The following EPB41L1 variants were observed in gnomAD, a reference collection of about 807,000 sequenced individuals.
EPB41L1 encodes erythrocyte membrane protein band 4.1 like 1.
In EPB41L1, 29 loss-of-function variants were observed where a neutral mutation model predicts 97.8. The ratio of observed to expected loss-of-function variants is 0.30; its 90% CI spans 0.22 to 0.40. The LOEUF (loss-of-function observed/expected upper bound fraction) is 0.40, where lower values mean the gene tolerates loss of function less well. Among genes scored for constraint, EPB41L1 ranks in the 10% least tolerant of loss-of-function variants. The pLI, the probability that EPB41L1 is intolerant of heterozygous loss-of-function variation, is 1.00. For synonymous variants in EPB41L1, 383 were observed against 459.2 expected (o/e 0.83, Z 2.12); for missense variants, 812 against 1,162.3 (o/e 0.70, Z 4.38).
intron 6 of EPB41L1, among the ~76,000 whole-genome samples, chr20:36,184,842 A>G (rs2061617110): frequency 6.6e-6 from 1 of 152,244 alleles, no homozygotes; most frequent in Non-Finnish European, 1.5e-5. Context: ...AAGTAGTCCT[A>G]TTTAGCTTGA....
chr20:36,177,799 G>C (rs1338816345), intron 3 of EPB41L1, among the ~76,000 whole-genome samples, 153 bp from the exon 4 acceptor site: 2 of 152,184 alleles, frequency 1.3e-5, no homozygotes, highest in Non-Finnish European at 2.9e-5. Context: ...GACTCAGAGG[G>C]CAGAGCCAAG....
At chr20:36,197,591 A>G in intron 13 of EPB41L1, 1 of 980,406 alleles carries the variant, frequency 1.0e-6, no homozygotes, top group Non-Finnish European at 1.2e-6. Flanking sequence ...GAGGCTGTAG[A>G]GCCAGGCAAG....
At chr20:36,176,728 T>G (rs1453729363) in intron 3 of EPB41L1, among the ~76,000 whole-genome samples, 1 of 150,442 alleles carries the variant, frequency 6.6e-6, no homozygotes, top group Admixed American at 6.7e-5. Context: ...ATCTCCCAGG[T>G]TCAAGCAGTT....
At chr20:36,224,935 C>T (rs1470861340) in intron 21 of EPB41L1, among the ~76,000 whole-genome samples, 3 of 152,136 alleles carry the variant, frequency 2.0e-5, no homozygotes, top group Non-Finnish European at 1.5e-5. Flanking sequence ...GATTCTCGTG[C>T]CTCAGCCTCC....
At chr20:36,131,743 G>C (rs778925661) in intron 2 of EPB41L1, among the ~76,000 whole-genome samples, 4 of 152,198 alleles carry the variant, frequency 2.6e-5, no homozygotes, top group Non-Finnish European at 4.4e-5. Flanking sequence ...TCACCACCTA[G>C]TGATGCAGGG....
intron 1 of EPB41L1, among the ~76,000 whole-genome samples, chr20:36,172,047 C>T (rs757942690): frequency 1.9e-4 from 29 of 151,998 alleles, no homozygotes; most frequent in Non-Finnish European, 2.6e-4. Context: ...CCAACTTGTA[C>T]GTTTAAAAAA....
rs140203042 is a variant in EPB41L1, at chr20:36,117,198, C to T, written c.-10+4718C>T. Among the ~76,000 whole-genome samples, 27 of 152,286 alleles carry T rather than the reference C, an allele frequency of 1.8e-4. 1 individual carries two copies. In the East Asian group the frequency reaches 4.3e-3, roughly 24 times the overall value. ...CTACCCTAGCTGCTCTCCATCCTCT[C>T]TTCTACATGGTAGCAGATCATTCGT... is the stretch of plus-strand genomic sequence containing the variant. On this transcript the variant is annotated intron_variant, in intron 2 of 19. Transcript: ENST00000202028.
rs1279069079 is a variant in EPB41L1, at chr20:36,206,111, G to A, written c.1669-3377G>A. Reference sequence around the variant, plus strand: ...AGTCCTGAAGACTTTGAGTCAGTGGGGGAGGAAGGCCCCTGGATCAGGGAA... The same window carrying A: ...AGTCCTGAAGACTTTGAGTCAGTGGAGGAGGAAGGCCCCTGGATCAGGGAA... On this transcript the variant is annotated intron_variant, in intron 14 of 21. Transcript: ENST00000338074. The surrounding 1 kb of genome is among the most constrained non-coding windows in gnomAD (Gnocchi z 5.5). 5 of 1,289,894 alleles carry A rather than the reference G, an allele frequency of 3.9e-6. No homozygotes were observed. The East Asian group carries it at 2.2e-4, about 57-fold the overall frequency. The allele number at this position is 1,289,894 out of a possible 1,614,324, so 79.9% of individuals were successfully genotyped here.
chr20:36,200,943 T>C (rs1475017025), intron 14 of EPB41L1: 1 of 456,796 alleles, frequency 2.2e-6, no homozygotes. Context: ...GGCTTGGAAG[T>C]GTTCACTCAG....
At position 36,190,741 on chromosome 20, in the gene EPB41L1, C is replaced by T; in HGVS notation, c.1244C>T (p.Pro415Leu). The T allele has an allele frequency of 6.2e-7, 1 of 1,614,204 alleles. No homozygotes were observed. The highest frequency in any genetic ancestry group is 8.5e-7 in the Non-Finnish European group (1 of 1,180,038). ...QASALIDRPAPFFERSSSKRY... is the reference protein window; with the variant it reads ...QASALIDRPALFFERSSSKRY... ...AGCGCCCTCATTGACCGGCCTGCAC[C>T]CTTCTTTGAGCGTTCTTCCAGCAAA... Residue 415 changes from proline (P) to leucine (L), a missense_variant, in exon 11 of 22, where the codon CCC becomes CTC. Coordinates refer to ENST00000338074, the MANE Select transcript of EPB41L1 (RefSeq NM_012156.2). The surrounding 1 kb of genome is among the most constrained non-coding windows in gnomAD (Gnocchi z 5.8).
Position 36,209,904 on chromosome 20 carries a change from G to T in EPB41L1, c.2079+6G>T, listed in dbSNP as rs1224150699. On this transcript the variant is annotated splice_donor_region_variant and intron_variant, in intron 15 of 21. Transcript: ENST00000338074. The surrounding 1 kb of genome is among the most constrained non-coding windows in gnomAD (Gnocchi z 4.2). ...CGGATATGCCCCAGTTTGAGGTACA[G>T]TGGAGCTTCCTCAAGAGCCAGGCCC... The T allele has an allele frequency of 6.2e-7, 1 of 1,612,848 alleles. No individual in the cohort carries two copies. The highest frequency in any genetic ancestry group is 8.5e-7 in the Non-Finnish European group (1 of 1,179,932).
At chr20:36,172,528 G>A (rs2061037805) in intron 1 of EPB41L1, among the ~76,000 whole-genome samples, 1 of 152,212 alleles carries the variant, frequency 6.6e-6, no homozygotes, top group Admixed American at 6.5e-5. Context: ...ACATTGGTAA[G>A]TATCCTTTCA....
In EPB41L1 at chr20:36,195,159, C is replaced by T. The variant is rs774271864; in HGVS notation, c.1450-170C>T. 3.3e-5 allele frequency among the ~76,000 whole-genome samples: 5 copies of T among 152,192 alleles called. No individual in the cohort carries two copies. The highest frequency in any genetic ancestry group is 5.9e-5 in the Non-Finnish European group (4 of 68,016). ...GCACCCTGCTTCACACCTGTACCTT[C>T]TTCTGACTACCTCACTGCCCTGCTG... On this transcript the variant is annotated intron_variant, in intron 12 of 21. Transcript: ENST00000338074. This position sits in a 1 kb window ranked among gnomAD's most constrained non-coding sequence, Gnocchi z 4.6.
intron 1 of EPB41L1, among the ~76,000 whole-genome samples, chr20:36,161,253 G>A (rs954974280): frequency 1.3e-5 from 2 of 151,982 alleles, no homozygotes; most frequent in Non-Finnish European, 2.9e-5. Flanking sequence ...CTGCTGCTTG[G>A]GCTGTGCAGC....
intron 6 of EPB41L1, among the ~76,000 whole-genome samples, chr20:36,184,669 A>G (rs1439132572): frequency 2.6e-5 from 4 of 152,216 alleles, no homozygotes; most frequent in Non-Finnish European, 5.9e-5. Flanking sequence ...ATTTGATGCC[A>G]TTTACAGGTA....
chr20:36,229,420 C>G lies in EPB41L1; in HGVS notation c.*80C>G. 1 of 1,434,458 alleles carries G rather than the reference C, an allele frequency of 7.0e-7. No individual in the cohort carries two copies. Among genetic ancestry groups the G allele is most frequent in the Middle Eastern group, 1.9e-4 (1 of 5,198 alleles). 88.9% of individuals were successfully genotyped at this position (1,434,458 alleles called of 1,614,324 possible). On this transcript the variant is annotated 3_prime_UTR_variant, in exon 22 of 22. Coordinates refer to ENST00000338074, the MANE Select transcript of EPB41L1 (RefSeq NM_012156.2). The stretch of plus-strand genomic sequence containing the variant: ...AGAAGGGGCCTTCATTCTGGATTCT[C>G]CGACGCAACACTGACGTCCCAGCTG...
intron 9 of EPB41L1, among the ~76,000 whole-genome samples, chr20:36,188,737 T>C (rs1307447499): frequency 6.6e-6 from 1 of 151,696 alleles, no homozygotes; most frequent in Non-Finnish European, 1.5e-5. Flanking sequence ...TCCAGCACTT[T>C]AGAAGGCCGA....
chr20:36,212,452 A>AGGGGTTTGGCCAC lies in EPB41L1; in HGVS notation c.2184+76_2184+77insGGGGTTTGGCCAC. 4 of 1,259,298 alleles carry AGGGGTTTGGCCAC rather than the reference A, an allele frequency of 3.2e-6. No homozygotes were observed. The highest frequency in any genetic ancestry group is 3.5e-6 in the Non-Finnish European group (3 of 864,932). 78.0% of individuals were successfully genotyped at this position (1,259,298 alleles called of 1,614,324 possible). A position where few individuals can be genotyped will look rare whatever the true frequency, so the allele number is the denominator to read the frequency against. On this transcript the variant is annotated intron_variant, in intron 16 of 21. Coordinates refer to ENST00000338074, the MANE Select transcript of EPB41L1 (RefSeq NM_012156.2). The surrounding 1 kb of genome is among the most constrained non-coding windows in gnomAD (Gnocchi z 4.8). ...GGTAGGGTCCCCACTGCTGTGGCCAAACCCCTTGGCCAGCTCTTTTAATCT... is the reference window on the plus strand; with the variant it reads ...GGTAGGGTCCCCACTGCTGTGGCCAAGGGGTTTGGCCACACCCCTTGGCCAGCTCTTTTAATCT...
At position 36,195,536 on chromosome 20, in the gene EPB41L1, C is replaced by A. The variant is rs1487681212; in HGVS notation, c.1485+172C>A. 6.6e-6 allele frequency among the ~76,000 whole-genome samples: 1 copy of A among 152,158 alleles called. No homozygotes were observed. Among genetic ancestry groups the A allele is most frequent in the Non-Finnish European group, 1.5e-5 (1 of 68,032 alleles). On this transcript the variant is annotated intron_variant, in intron 13 of 21. Coordinates refer to ENST00000338074, the MANE Select transcript of EPB41L1 (RefSeq NM_012156.2). This position sits in a 1 kb window ranked among gnomAD's most constrained non-coding sequence, Gnocchi z 4.6. ...CCGTCCTTGCTCCCCACTCCGCCAC[C>A]CGCTAAGCTTCTCTCTCCAGCTCCC...
Sources: allele counts gnomAD v4.1 joint callset (sites outside exome capture counted in the v4.1 genomes callset), GRCh38; gene constraint gnomAD v4.1.1; non-coding constraint Gnocchi (gnomAD v3.1); transcripts MANE v1.5; gene names NCBI Gene and HGNC (gene_info 2026-07-23, HGNC 2026-07-21).